SCTR: variants seen among roughly 807,000 people sequenced by gnomAD.
The protein encoded by SCTR is pancreatic secretin receptor.
A neutral mutation model predicts 60.8 loss-of-function variants in SCTR; 56 were observed. The observed-to-expected ratio is 0.92, with a 90% CI of 0.74 to 1.15. The LOEUF (loss-of-function observed/expected upper bound fraction) is 1.15. SCTR is among the 50% of genes most tolerant of loss of function. The probability of loss-of-function intolerance (pLI) is 0.00; values close to 1 mark genes in which losing one functional copy is unlikely to be tolerated. For missense variants in SCTR, 562 were observed against 550.4 expected (o/e 1.02, Z -0.21); for synonymous variants, 202 against 217.0 (o/e 0.93, Z 0.61).
chr2:119,450,522 AAAAC>A (rs1683120587), intron 9 of SCTR, among the ~76,000 whole-genome samples: 1 of 149,570 alleles, frequency 6.7e-6, no homozygotes, highest in African/African-American at 2.4e-5. Context: ...TGCTAAGTGA[AAAAC>A]AAAAAACAAA....
intron 7 of SCTR, among the ~76,000 whole-genome samples, chr2:119,459,523 G>T (rs539051182): frequency 4.6e-5 from 7 of 151,938 alleles, no homozygotes; most frequent in South Asian, 2.1e-4. Context: ...CGTTACCTTC[G>T]CATGAAAAGG....
intron 2 of SCTR, among the ~76,000 whole-genome samples, chr2:119,491,007 G>C (rs1215379028): frequency 2.0e-5 from 3 of 152,172 alleles, no homozygotes; most frequent in Admixed American, 6.5e-5. Context: ...ACATTTGCCA[G>C]CTTTCTTCTC....
intron 1 of SCTR, among the ~76,000 whole-genome samples, chr2:119,495,901 C>T (rs947714841): frequency 2.0e-5 from 3 of 152,240 alleles, no homozygotes; most frequent in African/African-American, 7.2e-5. Context: ...TCTTTCCCCA[C>T]CTCTCAGCCT....
intron 4 of SCTR, among the ~76,000 whole-genome samples, chr2:119,468,880 A>G (rs1042961965): frequency 1.3e-5 from 2 of 152,134 alleles, no homozygotes; most frequent in African/African-American, 4.8e-5. Flanking sequence ...TAGAGGAGAA[A>G]AGTGTTAGAC....
At chr2:119,500,616 C>T (rs2104916360) in intron 1 of SCTR, among the ~76,000 whole-genome samples, 1 of 151,956 alleles carries the variant, frequency 6.6e-6, no homozygotes, top group African/African-American at 2.4e-5. Flanking sequence ...TGAAATATGC[C>T]AAGCACAAAA....
intron 1 of SCTR, among the ~76,000 whole-genome samples, chr2:119,495,808 T>G (rs1678324641): frequency 6.6e-6 from 1 of 152,182 alleles, no homozygotes; most frequent in South Asian, 2.1e-4. Context: ...TCACCTCCCC[T>G]GGCCCAGAGC....
chr2:119,506,445 A>G (rs1327854930), intron 1 of SCTR, among the ~76,000 whole-genome samples: 1 of 151,738 alleles, frequency 6.6e-6, no homozygotes, highest in East Asian at 1.9e-4. Context: ...ATCCATTTGT[A>G]TAGCATTCCT....
At chr2:119,506,838 T>G (rs1678755771) in intron 1 of SCTR, among the ~76,000 whole-genome samples, 1 of 152,004 alleles carries the variant, frequency 6.6e-6, no homozygotes, top group South Asian at 2.1e-4. Flanking sequence ...TTGTCAGGAG[T>G]TAAGGACGGG....
intron 3 of SCTR, 57 bp from the exon 4 acceptor site, chr2:119,473,613 T>C: frequency 9.6e-7 from 1 of 1,037,388 alleles, no homozygotes; most frequent in Non-Finnish European, 1.5e-6. Flanking sequence ...GTGATTTTCA[T>C]AGTAACATCT....
intron 3 of SCTR, among the ~76,000 whole-genome samples, chr2:119,477,236 G>A (rs1049232716): frequency 1.3e-5 from 2 of 152,152 alleles, no homozygotes; most frequent in Admixed American, 6.5e-5. Flanking sequence ...AGTTCTAGCC[G>A]AGGGAATGTG....
chr2:119,459,602 C>A (rs564713902), intron 7 of SCTR, among the ~76,000 whole-genome samples: 71 of 152,246 alleles, frequency 4.7e-4, no homozygotes, highest in Non-Finnish European at 8.5e-4. Context: ...GTCTGGCAGG[C>A]AAACAGGCCA....
chr2:119,500,415 T>C (rs1678504341), intron 1 of SCTR, among the ~76,000 whole-genome samples: 1 of 152,198 alleles, frequency 6.6e-6, no homozygotes, highest in Admixed American at 6.5e-5. Context: ...AAGAGATATA[T>C]GCAGTCTCAT....
At chr2:119,445,586 C>T (rs868313661) in intron 11 of SCTR, among the ~76,000 whole-genome samples, 6 of 152,282 alleles carry the variant, frequency 3.9e-5, no homozygotes, top group Middle Eastern at 3.4e-3. Flanking sequence ...AACCCCTGCT[C>T]GCAGGCCGAG....
Position 119,524,144 on chromosome 2 carries a change from G to A in SCTR, c.72+11C>T, listed in dbSNP as rs534815967. The A allele has an allele frequency of 1.9e-4, 300 of 1,541,034 alleles. No individual in the cohort carries two copies. The African/African-American group carries it at 3.3e-3, about 17-fold the overall frequency. ...TCGGGTCCCCAGCCTGCAGAAGGGC[G>A]CAGTACTCACCGAGTGCGCGGCGCA... On this transcript the variant is annotated intron_variant, in intron 1 of 12. Transcript: ENST00000019103.
chr2:119,460,061 G>C (rs1683540445), intron 7 of SCTR, among the ~76,000 whole-genome samples: 1 of 151,918 alleles, frequency 6.6e-6, no homozygotes, highest in South Asian at 2.1e-4. Context: ...TGACTGGGCT[G>C]CCAAGGTTCA....
chr2:119,488,297 G>A (rs1044658094), intron 2 of SCTR, among the ~76,000 whole-genome samples: 3 of 152,206 alleles, frequency 2.0e-5, no homozygotes, highest in Non-Finnish European at 2.9e-5. Context: ...TGGTTCAGCC[G>A]CCAGGGCCTG....
At chr2:119,511,879 T>C (rs1353173119) in intron 1 of SCTR, among the ~76,000 whole-genome samples, 1 of 152,186 alleles carries the variant, frequency 6.6e-6, no homozygotes, top group Non-Finnish European at 1.5e-5. Flanking sequence ...ACAATTTGGG[T>C]AGAAAATACT....
At chr2:119,508,383 C>CTTTTTTTTTTTTT (rs34070844) in intron 1 of SCTR, among the ~76,000 whole-genome samples, 22 of 77,376 alleles carry the variant, frequency 2.8e-4, no homozygotes, top group African/African-American at 4.9e-4. Flanking sequence ...TCTTCTTCTT[C>CTTTTTTTTTTTTT]TTTTTTTTTT....
At position 119,505,833 on chromosome 2, in the gene SCTR, G is replaced by A. The variant is rs544318040; in HGVS notation, c.73-11285C>T. Among the ~76,000 whole-genome samples the A allele has an allele frequency of 1.0e-3, 156 of 152,066 alleles. No individual in the cohort carries two copies. In the Middle Eastern group the frequency reaches 0.024, roughly 23 times the overall value. On this transcript the variant is annotated intron_variant, in intron 1 of 12. Transcript: ENST00000019103. ...TAACTAACCTGCATGTTGTGCACAC[G>A]TACCCTAAAACTTAAAGTATAATTT...
Sources: gnomAD v4.1 joint callset for allele counts (sites outside exome capture counted in the v4.1 genomes callset) on GRCh38, gnomAD v4.1.1 for gene constraint, MANE v1.5 for transcripts, NCBI Gene and HGNC (gene_info 2026-07-23, HGNC 2026-07-21) for gene names.